Variants in ERBB2 observed in about 807,000 individuals in gnomAD.
ERBB2 encodes the protein erb-b2 receptor tyrosine kinase 2, also known as receptor tyrosine-protein kinase erbB-2.
A neutral mutation model predicts 149.0 loss-of-function variants in ERBB2; 61 were observed. The observed-to-expected ratio is 0.41, with a 90% CI of 0.33 to 0.51. The LOEUF (loss-of-function observed/expected upper bound fraction) is 0.51, where lower values mean the gene tolerates loss of function less well. Ranked by LOEUF, ERBB2 falls within the 20% of genes least tolerant of loss-of-function variation. The pLI, the probability that ERBB2 is intolerant of heterozygous loss-of-function variation, is 0.25. For missense variants in ERBB2, 1,205 were observed against 1,655.1 expected (o/e 0.73, Z 4.72); for synonymous variants, 633 against 678.8 (o/e 0.93, Z 1.05).
chr17:39,723,557 C>G lies in ERBB2; in HGVS notation c.2105C>G (p.Pro702Arg), dbSNP rs2059566111. The G allele has an allele frequency of 6.2e-7, 1 of 1,611,628 alleles. No individual in the cohort carries two copies. The highest frequency in any genetic ancestry group is 8.5e-7 in the Non-Finnish European group (1 of 1,178,994). ...QETELVEPLT[P>R]SGAMPNQAQM... The stretch of plus-strand genomic sequence containing the variant: ...CCCCAGCTGGTGGAGCCGCTGACAC[C>G]TAGCGGAGCGATGCCCAACCAGGCG... Residue 702 changes from proline to arginine, a missense_variant, in exon 18 of 27, where the codon CCT becomes CGT. Coordinates refer to ENST00000269571, the MANE Select transcript of ERBB2 (RefSeq NM_004448.4). This position sits in a 1 kb window ranked among gnomAD's most constrained non-coding sequence, Gnocchi z 6.2.
In ERBB2 at chr17:39,716,619, G is replaced by A. The variant is rs774794124; in HGVS notation, c.1737+14G>A. On this transcript the variant is annotated intron_variant, in intron 14 of 26. Transcript: ENST00000269571. ...TGTTTTGGACCGGTGAGCTGCTGGCGGGCTCAGAGCTGGGTGGAGGGGGGC... is the reference window on the plus strand; with the variant it reads ...TGTTTTGGACCGGTGAGCTGCTGGCAGGCTCAGAGCTGGGTGGAGGGGGGC... The A allele has an allele frequency of 2.5e-6, 4 of 1,612,810 alleles. No individual in the cohort carries two copies. Among genetic ancestry groups the A allele is most frequent in the Non-Finnish European group, 3.4e-6 (4 of 1,179,218 alleles).
Position 39,725,483 on chromosome 17 carries a change from C to CG in ERBB2, c.2725+85dup. 1 of 1,436,852 alleles carries CG rather than the reference C, an allele frequency of 7.0e-7. No homozygotes were observed. Among genetic ancestry groups the CG allele is most frequent in the Non-Finnish European group, 9.7e-7 (1 of 1,027,484 alleles). The allele number at this position is 1,436,852 out of a possible 1,614,324, so 89.0% of individuals were successfully genotyped here. ...ATGAGAGCTGGGATGGGGAGAATTACGGGGCCACCTCAGCATGTGAAGGGA... is the reference window on the plus strand; with the variant it reads ...ATGAGAGCTGGGATGGGGAGAATTACGGGGGCCACCTCAGCATGTGAAGGGA... On this transcript the variant is annotated intron_variant, in intron 22 of 26. Coordinates refer to ENST00000269571, the MANE Select transcript of ERBB2 (RefSeq NM_004448.4). The surrounding 1 kb of genome is among the most constrained non-coding windows in gnomAD (Gnocchi z 4.6).
intron 14 of ERBB2, 101 bp from the exon 15 acceptor site, chr17:39,717,219 G>T: frequency 1.0e-6 from 1 of 954,894 alleles, no homozygotes; most frequent in Non-Finnish European, 1.5e-6. Flanking sequence ...TTGCTGCTGG[G>T]TGGCCTTGGG....
At chr17:39,711,781 G>C in intron 7 of ERBB2, 147 bp from the exon 8 acceptor site, 1 of 903,696 alleles carries the variant, frequency 1.1e-6, no homozygotes, top group East Asian at 2.5e-5. Context: ...GTTGTTGTGA[G>C]GGGTAAATGG....
chr17:39,721,261 C>CTTT (rs33957748), intron 16 of ERBB2, among the ~76,000 whole-genome samples: 24 of 82,942 alleles, frequency 2.9e-4, no homozygotes, highest in East Asian at 6.1e-4. Flanking sequence ...TGAGCCAAGT[C>CTTT]TTTTTTTTTT....
At position 39,715,743 on chromosome 17, in the gene ERBB2, C is replaced by T. The variant is rs750754275; in HGVS notation, c.1317C>T (p.Gly439=). Residue 439 remains glycine (G), a synonymous_variant, in exon 12 of 27, where the codon GGC becomes GGT. Transcript: ENST00000269571. ...GGTGCCCACCTTTCTCCCATAGTGGCGCCTACTCGCTGACCCTGCAAGGGC... is the reference window on the plus strand; with the variant it reads ...GGTGCCCACCTTTCTCCCATAGTGGTGCCTACTCGCTGACCCTGCAAGGGC... ...QVIRGRILHN[G]AYSLTLQGLG... 3.4e-5 allele frequency: 54 copies of T among 1,605,862 alleles called. No homozygotes were observed. The highest frequency in any genetic ancestry group is 1.2e-4 in the South Asian group (11 of 91,094).
chr17:39,708,891 G>A lies in ERBB2; in HGVS notation c.439+357G>A, dbSNP rs111861064. Among the ~76,000 whole-genome samples the A allele has an allele frequency of 1.6e-3, 244 of 152,272 alleles. 1 individual carries two copies. The highest frequency in any genetic ancestry group is 4.9e-3 in the African/African-American group (205 of 41,554). Reference sequence around the variant, plus strand: ...TGCCCGCATGGCCCATTTCAGTCACGCTGCAGTCCTGTCAGGAAAAAATCA... The same window carrying A: ...TGCCCGCATGGCCCATTTCAGTCACACTGCAGTCCTGTCAGGAAAAAATCA... On this transcript the variant is annotated intron_variant, in intron 3 of 26. Coordinates refer to ENST00000269571, the MANE Select transcript of ERBB2 (RefSeq NM_004448.4).
rs201470725 is a variant in ERBB2, at chr17:39,716,553, C to T, written c.1685C>T (p.Pro562Leu). 113 of 1,614,158 alleles carry T rather than the reference C, an allele frequency of 7.0e-5. No individual in the cohort carries two copies. The highest frequency in any genetic ancestry group is 1.0e-4 in the Admixed American group (6 of 60,018). Residue 562 changes from proline (P) to leucine (L), a missense_variant, in exon 14 of 27, where the codon CCG (proline) becomes CTG (leucine). Physicochemically the swap from Pro to Leu is moderately conservative, Grantham distance 98 (BLOSUM62 -3). This residue lies in a region of ERBB2 where 569 missense variants were observed against 803.5 expected (regional missense o/e 0.71). Coordinates refer to ENST00000269571, the MANE Select transcript of ERBB2 (RefSeq NM_004448.4). ...REYVNARHCL[P>L]CHPECQPQNG... ...TATGTGAATGCCAGGCACTGTTTGC[C>T]GTGCCACCCTGAGTGTCAGCCCCAG...
At chr17:39,691,957 A>ATCTC (rs1555611757), upstream of ERBB2, among the ~76,000 whole-genome samples, 6 of 145,358 alleles carry the variant, frequency 4.1e-5, no homozygotes, top group African/African-American at 1.5e-4. Context: ...ATATATATAT[A>ATCTC]TCTCTTGTGT....
chr17:39,714,942 G>A (rs1436201605), intron 9 of ERBB2, among the ~76,000 whole-genome samples: 1 of 151,802 alleles, frequency 6.6e-6, no homozygotes, highest in African/African-American at 2.4e-5. Context: ...GCTAATTTTT[G>A]TATTTGTAGT....
Position 39,715,307 on chromosome 17 carries a change from C to A in ERBB2, c.1170C>A (p.Ala390=), listed in dbSNP as rs544011927. 1 of 1,614,028 alleles carries A rather than the reference C, an allele frequency of 6.2e-7. No individual in the cohort carries two copies. The highest frequency in any genetic ancestry group is 8.5e-7 in the Non-Finnish European group (1 of 1,179,938). ...CCAGGGACCCAGCCTCCAACACTGC[C>A]CCGCTCCAGCCAGAGCAGCTCCAAG... is the stretch of plus-strand genomic sequence containing the variant. The part of the protein sequence containing the change: ...SFDGDPASNT[A]PLQPEQLQVF... The change falls in exon 10 of 27, where the codon GCC becomes GCA. Residue 390 remains alanine (A), a synonymous_variant. Transcript: ENST00000269571.
At chr17:39,716,119 C>T in intron 12 of ERBB2, 180 bp downstream of exon 12, 1 of 962,168 alleles carries the variant, frequency 1.0e-6, no homozygotes. Flanking sequence ...TGGGTCCTAC[C>T]TGCCTTGGCA....
rs765690285 is a variant in ERBB2, at chr17:39,712,303, C to T, written c.1022-19C>T. ...GAAGGCTGAGACGGCCCCTTCCCCACCCACCCCCACCTCCTCAGTGTGCTA... is the reference window on the plus strand; with the variant it reads ...GAAGGCTGAGACGGCCCCTTCCCCATCCACCCCCACCTCCTCAGTGTGCTA... On this transcript the variant is annotated intron_variant, in intron 8 of 26. Coordinates refer to ENST00000269571, the MANE Select transcript of ERBB2 (RefSeq NM_004448.4). 2 of 1,610,138 alleles carry T rather than the reference C, an allele frequency of 1.2e-6. No homozygotes were observed. Among genetic ancestry groups the T allele is most frequent in the Admixed American group, 1.7e-5 (1 of 59,952 alleles).
In ERBB2 at chr17:39,718,202, C is replaced by A. The variant is rs76691627; in HGVS notation, c.1898+722C>A. ...CTTTCCAGAACCTTGAAATGTTTTT[C>A]CATGTTCTAACATGGTGATCTACCT... On this transcript the variant is annotated intron_variant, in intron 15 of 26. Coordinates refer to ENST00000269571, the MANE Select transcript of ERBB2 (RefSeq NM_004448.4). Among the ~76,000 whole-genome samples, 46 of 152,314 alleles carry A rather than the reference C, an allele frequency of 3.0e-4. No individual in the cohort carries two copies. In the East Asian group the frequency reaches 8.5e-3, roughly 28 times the overall value.
At chr17:39,692,901 A>G (rs2057746212), upstream of ERBB2, among the ~76,000 whole-genome samples, 1 of 151,926 alleles carries the variant, frequency 6.6e-6, no homozygotes, top group Non-Finnish European at 1.5e-5. Flanking sequence ...CATCTCTACA[A>G]AAACATAAAA....
At position 39,715,897 on chromosome 17, in the gene ERBB2, C is replaced by G. The variant is rs140670446; in HGVS notation, c.1471C>G (p.Gln491Glu). 2.5e-6 allele frequency: 4 copies of G among 1,612,170 alleles called. No homozygotes were observed. The highest frequency in any genetic ancestry group is 1.6e-4 in the Middle Eastern group (1 of 6,062). ...GGACCAGCTCTTTCGGAACCCGCAC[C>G]AAGCTCTGCTCCACACTGCCAACCG... Reference protein sequence around the residue: ...PWDQLFRNPHQALLHTANRPE... With the variant: ...PWDQLFRNPHEALLHTANRPE... Residue 491 changes from glutamine to glutamate, a missense_variant, in exon 12 of 27, where the codon CAA becomes GAA. By Grantham distance (29) the Gln-to-Glu change is conservative. Around this residue, in one of 6 missense-constraint regions of ERBB2, gnomAD observed 569 missense variants for 803.5 expected, o/e 0.71. Transcript: ENST00000269571.
At chr17:39,708,286 TC>T in intron 2 of ERBB2, 34 bp from the exon 3 acceptor site, 4 of 1,572,272 alleles carry the variant, frequency 2.5e-6, no homozygotes, top group Non-Finnish European at 3.5e-6. Flanking sequence ...GTGGCAGTGT[TC>T]CTATTTCAGC....
rs759608479 is a variant in ERBB2, at chr17:39,723,407, C to G, written c.2035C>G (p.Gln679Glu). ...VVFGILIKRR[Q>E]QKIRKYTMRR... ...CTTTGGGATCCTCATCAAGCGACGG[C>G]AGCAGAAGATCCGGAAGTACACGAT... Residue 679 changes from glutamine (Q) to glutamate (E), a missense_variant, in exon 17 of 27, where the codon CAG becomes GAG. Coordinates refer to ENST00000269571, the MANE Select transcript of ERBB2 (RefSeq NM_004448.4). The surrounding 1 kb of genome is among the most constrained non-coding windows in gnomAD (Gnocchi z 6.2). 3 of 1,614,188 alleles carry G rather than the reference C, an allele frequency of 1.9e-6. No individual in the cohort carries two copies. Among genetic ancestry groups the G allele is most frequent in the Non-Finnish European group, 2.5e-6 (3 of 1,180,044 alleles).
At chr17:39,700,812 G>T (rs1420130257) in intron 1 of ERBB2, among the ~76,000 whole-genome samples, 1 of 152,056 alleles carries the variant, frequency 6.6e-6, no homozygotes, top group East Asian at 1.9e-4. Context: ...TGCTTCTGGC[G>T]GGGTCGGGTG....
Sources: gnomAD v4.1 joint callset for allele counts (sites outside exome capture counted in the v4.1 genomes callset) on GRCh38, gnomAD v4.1.1 for gene constraint, gnomAD v4.1.1 regional missense constraint, Gnocchi (gnomAD v3.1) non-coding constraint, MANE v1.5 for transcripts, NCBI Gene and HGNC (gene_info 2026-07-23, HGNC 2026-07-21) for gene names.